The following DLGAP1 variants were observed in gnomAD, a reference collection of about 807,000 sequenced individuals.
DLGAP1 encodes the protein disks large-associated protein 1.
DLGAP1 carries 11 observed loss-of-function variants against 90.8 expected under a neutral mutation model. That is an observed-to-expected ratio of 0.12 (90% CI 0.08 to 0.20). The LOEUF (loss-of-function observed/expected upper bound fraction) is 0.20. DLGAP1 is among the 10% of genes least tolerant of loss of function. The pLI is 1.00. For synonymous variants in DLGAP1, 558 were observed against 540.7 expected (o/e 1.03, Z -0.44); for missense variants, 1,050 against 1,333.8 (o/e 0.79, Z 3.31).
intron 1 of DLGAP1, among the ~76,000 whole-genome samples, chr18:4,398,656 G>A (rs910376547): frequency 2.0e-5 from 3 of 152,192 alleles, no homozygotes; most frequent in Non-Finnish European, 4.4e-5. Flanking sequence ...CAGAAACACA[G>A]GAAATTGGTA....
intron 4 of DLGAP1, among the ~76,000 whole-genome samples, chr18:3,835,644 T>G (rs368385306): frequency 7.8e-4 from 106 of 136,060 alleles, no homozygotes; most frequent in African/African-American, 3.0e-3. Flanking sequence ...CAAGGCTCCG[T>G]CTCAAAAAAA....
intron 3 of DLGAP1, among the ~76,000 whole-genome samples, chr18:3,928,238 T>G (rs1042532682): frequency 2.0e-5 from 3 of 152,234 alleles, no homozygotes; most frequent in Non-Finnish European, 4.4e-5. Flanking sequence ...TTGTAGTTTT[T>G]CATATTTAAC....
intron 1 of DLGAP1, among the ~76,000 whole-genome samples, chr18:4,362,401 C>T (rs1444440730): frequency 1.3e-5 from 2 of 152,056 alleles, no homozygotes; most frequent in South Asian, 4.1e-4. Flanking sequence ...ATTATTCAGC[C>T]TTAAAAAGAA....
chr18:3,891,277 TTTTG>T (rs1327748336), intron 3 of DLGAP1, among the ~76,000 whole-genome samples: 4 of 152,152 alleles, frequency 2.6e-5, no homozygotes, highest in Non-Finnish European at 5.9e-5. Context: ...GTCAAACTTT[TTTTG>T]TTAGCCCCCT....
intron 7 of DLGAP1, among the ~76,000 whole-genome samples, chr18:3,626,852 T>G (rs146769886): frequency 1.5e-3 from 235 of 152,006 alleles, no homozygotes; most frequent in African/African-American, 5.2e-3. Flanking sequence ...TGAGCTGAGA[T>G]CACGCCACTG....
At chr18:3,655,979 C>T (rs1381572451) in intron 7 of DLGAP1, 6 of 1,094,938 alleles carry the variant, frequency 5.5e-6, no homozygotes, top group East Asian at 2.7e-5. Flanking sequence ...GCTGGCAATT[C>T]GCACATGGCG....
intron 1 of DLGAP1, among the ~76,000 whole-genome samples, chr18:4,273,335 T>C (rs2079328429): frequency 6.6e-6 from 1 of 152,200 alleles, no homozygotes; most frequent in South Asian, 2.1e-4. Flanking sequence ...CTCTTGGTAC[T>C]TGCTCTCCTT....
At chr18:4,126,079 T>G (rs536185876) in intron 2 of DLGAP1, among the ~76,000 whole-genome samples, 1 of 152,326 alleles carries the variant, frequency 6.6e-6, no homozygotes, top group African/African-American at 2.4e-5. Context: ...GGCTCATAGA[T>G]GGAAGCTTGC....
At chr18:3,681,710 T>C (rs2060518728) in intron 7 of DLGAP1, among the ~76,000 whole-genome samples, 1 of 152,192 alleles carries the variant, frequency 6.6e-6, no homozygotes, top group Admixed American at 6.5e-5. Flanking sequence ...TCCCCAATGT[T>C]GAAGGTGGGG....
At chr18:3,893,382 G>C (rs951948696) in intron 3 of DLGAP1, among the ~76,000 whole-genome samples, 1 of 151,906 alleles carries the variant, frequency 6.6e-6, no homozygotes, top group African/African-American at 2.4e-5. Flanking sequence ...TTCGAGACCA[G>C]CCTGGCCAAC....
intron 1 of DLGAP1, among the ~76,000 whole-genome samples, chr18:4,328,598 C>T (rs887300294): frequency 1.3e-5 from 2 of 151,978 alleles, no homozygotes; most frequent in Non-Finnish European, 2.9e-5. Flanking sequence ...ACAGGGTCTA[C>T]CTTCCTTATT....
At chr18:4,105,302 A>C (rs546726008) in intron 2 of DLGAP1, among the ~76,000 whole-genome samples, 41 of 152,280 alleles carry the variant, frequency 2.7e-4, no homozygotes, top group African/African-American at 9.9e-4. Context: ...GCTTTCCTCT[A>C]TGCAAGTTAG....
chr18:4,254,581 A>G (rs536243375), intron 1 of DLGAP1, among the ~76,000 whole-genome samples: 2 of 152,332 alleles, frequency 1.3e-5, no homozygotes, highest in African/African-American at 4.8e-5. Flanking sequence ...CCCAAAATCT[A>G]AAATAATGCT....
chr18:3,650,686 G>A (rs1246354124), intron 7 of DLGAP1, among the ~76,000 whole-genome samples: 2 of 152,124 alleles, frequency 1.3e-5, no homozygotes, highest in Non-Finnish European at 2.9e-5. Context: ...TACCACGCTG[G>A]TGGAAGGAAG....
At chr18:3,876,549 C>A (rs2071010010) in intron 4 of DLGAP1, among the ~76,000 whole-genome samples, 1 of 152,160 alleles carries the variant, frequency 6.6e-6, no homozygotes, top group Non-Finnish European at 1.5e-5. Flanking sequence ...TGTTTTCAAC[C>A]TTTCAATAAT....
chr18:4,125,391 A>C (rs1191352421), intron 2 of DLGAP1, among the ~76,000 whole-genome samples: 1 of 152,148 alleles, frequency 6.6e-6, no homozygotes, highest in Non-Finnish European at 1.5e-5. Context: ...TAACAGATGC[A>C]GAGCAATTCA....
chr18:3,970,660 C>T (rs551590037), intron 3 of DLGAP1, among the ~76,000 whole-genome samples: 10 of 152,240 alleles, frequency 6.6e-5, no homozygotes, highest in Admixed American at 3.9e-4. Context: ...AATAGTAATA[C>T]AGTTTCACTC....
chr18:4,113,950 A>G (rs2076017099), intron 2 of DLGAP1, among the ~76,000 whole-genome samples: 1 of 150,636 alleles, frequency 6.6e-6, no homozygotes, highest in Non-Finnish European at 1.5e-5. Flanking sequence ...TAGGTTTTCT[A>G]TTCTGTTCCA....
At chr18:4,381,342 A>T (rs1359153784) in intron 1 of DLGAP1, among the ~76,000 whole-genome samples, 1 of 152,178 alleles carries the variant, frequency 6.6e-6, no homozygotes, top group Non-Finnish European at 1.5e-5. Context: ...ATCATATAAT[A>T]TAAGCAGAAT....
Sources: gnomAD v4.1 joint callset for allele counts (sites outside exome capture counted in the v4.1 genomes callset) on GRCh38, gnomAD v4.1.1 for gene constraint, MANE v1.5 for transcripts, NCBI Gene and HGNC (gene_info 2026-07-23, HGNC 2026-07-21) for gene names.